Variants in ANKS1B observed in about 807,000 individuals in gnomAD.
ANKS1B encodes the protein ankyrin repeat and sterile alpha motif domain containing 1B.
Under a neutral mutation model 148.3 loss-of-function variants are expected in ANKS1B, and 36 were observed. That is an observed-to-expected ratio of 0.24 (90% CI 0.19 to 0.32). The LOEUF is 0.32. Among genes scored for constraint, ANKS1B ranks in the 10% least tolerant of loss-of-function variants. The pLI, the probability that ANKS1B is intolerant of heterozygous loss-of-function variation, is 1.00. For synonymous variants in ANKS1B, 542 were observed against 560.8 expected (o/e 0.97, Z 0.47); for missense variants, 1,157 against 1,542.6 (o/e 0.75, Z 4.19).
chr12:99,984,078 A>G (rs1326575124), intron 1 of ANKS1B, 26 bp downstream of exon 1: 1 of 1,598,480 alleles, frequency 6.3e-7, no homozygotes, highest in African/African-American at 1.3e-5. Context: ...AGGTGTGCCA[A>G]CCCCGGAGCT....
At chr12:99,226,945 G>A (rs2086039664) in intron 14 of ANKS1B, among the ~76,000 whole-genome samples, 1 of 151,858 alleles carries the variant, frequency 6.6e-6, no homozygotes, top group Non-Finnish European at 1.5e-5. Flanking sequence ...TTGAGTGACA[G>A]GGCGGAGCTA....
intron 17 of ANKS1B, among the ~76,000 whole-genome samples, chr12:98,951,605 T>C (rs2099854215): frequency 6.6e-6 from 1 of 152,056 alleles, no homozygotes; most frequent in Non-Finnish European, 1.5e-5. Flanking sequence ...CTCCTGCTGC[T>C]CTCCTAATTG....
intron 12 of ANKS1B, among the ~76,000 whole-genome samples, chr12:99,250,260 AGAGT>A (rs1220664863): frequency 6.6e-6 from 1 of 152,190 alleles, no homozygotes; most frequent in Non-Finnish European, 1.5e-5. Context: ...AGTGGCCTAG[AGAGT>A]GAGAGCCAGA....
intron 12 of ANKS1B, among the ~76,000 whole-genome samples, chr12:99,335,844 A>G (rs550220964): frequency 2.6e-5 from 4 of 152,228 alleles, no homozygotes; most frequent in Admixed American, 2.6e-4. Context: ...CTATCTCTTC[A>G]ATATACTAAT....
At chr12:99,160,479 C>T (rs2076538386) in intron 14 of ANKS1B, among the ~76,000 whole-genome samples, 2 of 149,478 alleles carry the variant, frequency 1.3e-5, no homozygotes, top group African/African-American at 5.0e-5. Context: ...GCTGGAACTA[C>T]AGGCACCCAC....
intron 12 of ANKS1B, among the ~76,000 whole-genome samples, chr12:99,353,164 T>C (rs1383288388): frequency 6.6e-6 from 1 of 152,038 alleles, no homozygotes; most frequent in East Asian, 1.9e-4. Context: ...GGCACCACAG[T>C]ATGATGTGGT....
At chr12:99,719,143 G>A (rs184135970) in intron 8 of ANKS1B, among the ~76,000 whole-genome samples, 2,154 of 152,212 alleles carry the variant, frequency 0.014, 51 homozygotes, top group African/African-American at 0.048. Flanking sequence ...TCATGTCTGC[G>A]TGCAGCGGCT....
intron 12 of ANKS1B, among the ~76,000 whole-genome samples, chr12:99,282,049 C>G (rs1566803244): frequency 6.6e-6 from 1 of 151,996 alleles, no homozygotes; most frequent in Non-Finnish European, 1.5e-5. Flanking sequence ...ATAGTATGTG[C>G]AGTAATAATA....
At chr12:99,862,177 G>T (rs2090121805) in intron 1 of ANKS1B, among the ~76,000 whole-genome samples, 1 of 152,096 alleles carries the variant, frequency 6.6e-6, no homozygotes, top group Non-Finnish European at 1.5e-5. Context: ...GCACAAAATT[G>T]AACAAGTGAA....
At chr12:99,264,637 C>T (rs1393371146) in intron 12 of ANKS1B, among the ~76,000 whole-genome samples, 2 of 152,090 alleles carry the variant, frequency 1.3e-5, no homozygotes, top group African/African-American at 4.8e-5. Flanking sequence ...CCACTGTTTT[C>T]ATTCCTCAAA....
intron 15 of ANKS1B, among the ~76,000 whole-genome samples, chr12:99,148,448 G>T (rs11109740): frequency 1.3e-5 from 2 of 151,558 alleles, no homozygotes; most frequent in Non-Finnish European, 2.9e-5. Flanking sequence ...ATTCTTCTAA[G>T]ATGGTCATCC....
intron 12 of ANKS1B, among the ~76,000 whole-genome samples, chr12:99,314,018 C>T (rs569379554): frequency 1.2e-4 from 19 of 152,252 alleles, no homozygotes; most frequent in African/African-American, 3.9e-4. Context: ...CTTATAAAAT[C>T]CTATCATCTC....
At chr12:99,572,781 C>T (rs188245380) in intron 9 of ANKS1B, among the ~76,000 whole-genome samples, 1 of 151,800 alleles carries the variant, frequency 6.6e-6, no homozygotes, top group African/African-American at 2.4e-5. Flanking sequence ...TATAATAATT[C>T]CCATATCTGT....
At chr12:99,496,479 C>T (rs1046773358) in intron 10 of ANKS1B, among the ~76,000 whole-genome samples, 2 of 152,110 alleles carry the variant, frequency 1.3e-5, no homozygotes, top group African/African-American at 2.4e-5. Flanking sequence ...CAATAGTGGT[C>T]GCATAAACAT....
chr12:99,637,988 C>T (rs942721544), intron 9 of ANKS1B, among the ~76,000 whole-genome samples: 6 of 151,806 alleles, frequency 4.0e-5, no homozygotes, highest in African/African-American at 1.5e-4. Flanking sequence ...TTACCCCCAT[C>T]CTGCTTTTCT....
chr12:98,826,585 G>A (rs1261935835), intron 19 of ANKS1B, among the ~76,000 whole-genome samples: 3 of 152,022 alleles, frequency 2.0e-5, no homozygotes, highest in Admixed American at 2.0e-4. Context: ...AAGTAGAGGG[G>A]TTTCTAAGAA....
chr12:99,214,872 T>G (rs1175494780), intron 14 of ANKS1B, among the ~76,000 whole-genome samples: 1 of 152,134 alleles, frequency 6.6e-6, no homozygotes, highest in Non-Finnish European at 1.5e-5. Context: ...TGGTCTCAGA[T>G]GGAGATGAAG....
chr12:99,546,626 G>A (rs1466844090), intron 9 of ANKS1B, among the ~76,000 whole-genome samples: 2 of 152,144 alleles, frequency 1.3e-5, no homozygotes, highest in African/African-American at 4.8e-5. Context: ...CAGAATTTAG[G>A]AACTCCATGA....
intron 1 of ANKS1B, among the ~76,000 whole-genome samples, chr12:99,850,995 G>T (rs2087735599): frequency 6.6e-6 from 1 of 151,976 alleles, no homozygotes; most frequent in African/African-American, 2.4e-5. Flanking sequence ...ACTAATGGGG[G>T]ACATCTATGT....
Sources: gnomAD v4.1 joint callset for allele counts (sites outside exome capture counted in the v4.1 genomes callset) on GRCh38, gnomAD v4.1.1 for gene constraint, MANE v1.5 for transcripts, NCBI Gene and HGNC (gene_info 2026-07-23, HGNC 2026-07-21) for gene names.